The following KY variants were observed in gnomAD, a reference collection of about 807,000 sequenced individuals.
KY encodes kyphoscoliosis peptidase.
In KY, 43 loss-of-function variants were observed where a neutral mutation model predicts 76.1. That is an observed-to-expected ratio of 0.57 (90% CI 0.44 to 0.73). The LOEUF (loss-of-function observed/expected upper bound fraction) is 0.73, where lower values mean the gene tolerates loss of function less well. Among genes scored for constraint, KY ranks in the 30% least tolerant of loss-of-function variants. KY has a pLI of 0.00. For synonymous variants in KY, 277 were observed against 326.2 expected, an observed-to-expected ratio of 0.85 and a Z score of 1.63; for missense variants, 722 against 828.9, an observed-to-expected ratio of 0.87 and a Z score of 1.58.
Position 134,636,414 on chromosome 3 carries a change from TG to T in KY, c.263-6720del, listed in dbSNP as rs1964976751. On this transcript the variant is annotated intron_variant, in intron 3 of 10. Transcript: ENST00000423778. Reference sequence around the variant, plus strand: ...GCCAATTAGCACATGCCAGAAGTGATGTTGCACAAATTCTGAGCCTAGGCTT... The same window carrying T: ...GCCAATTAGCACATGCCAGAAGTGATTTGCACAAATTCTGAGCCTAGGCTT... Among the ~76,000 whole-genome samples the T allele has an allele frequency of 2.6e-5, 4 of 152,334 alleles. No individual in the cohort carries two copies. In the South Asian group the frequency reaches 8.3e-4, roughly 32 times the overall value.
chr3:134,608,940 A>G, intron 9 of KY, 101 bp from the exon 10 acceptor site: 1 of 1,357,372 alleles, frequency 7.4e-7, no homozygotes, highest in South Asian at 1.5e-5. Context: ...GGATGGGAAG[A>G]GGCACCATCT....
chr3:134,620,787 C>G lies in KY; in HGVS notation c.554G>C (p.Arg185Thr). The G allele has an allele frequency of 6.2e-7, 1 of 1,613,730 alleles. No homozygotes were observed. The highest frequency in any genetic ancestry group is 8.5e-7 in the Non-Finnish European group (1 of 1,179,768). The change falls in exon 7 of 11, where the codon AGG becomes ACG. Residue 185 changes from arginine to threonine, a missense_variant. Arg to Thr is a moderately conservative substitution (Grantham distance 71). Coordinates refer to ENST00000423778, the MANE Select transcript of KY (RefSeq NM_178554.6). ...GATCCAGATCCAGATGGCGCGGACCCTTTCCAGGTCAGTGTGGGCCTCCTG... is the reference window on the plus strand; with the variant it reads ...GATCCAGATCCAGATGGCGCGGACCGTTTCCAGGTCAGTGTGGGCCTCCTG... The part of the protein sequence containing the change: ...LLQEAHTDLE[R>T]VRAIWIWICH...
chr3:134,608,380 C>T, intron 10 of KY: 2 of 1,408,800 alleles, frequency 1.4e-6, no homozygotes, highest in African/African-American at 1.4e-5. Context: ...AACCTGCAGC[C>T]TTCAGACACA....
At chr3:134,612,321 A>G (rs566737904) in intron 8 of KY, among the ~76,000 whole-genome samples, 1 of 152,286 alleles carries the variant, frequency 6.6e-6, no homozygotes, top group African/African-American at 2.4e-5. Flanking sequence ...CAAAGGCCAT[A>G]AGCCACTCCA....
At chr3:134,606,130 T>C (rs1459823770) in intron 10 of KY, among the ~76,000 whole-genome samples, 1 of 152,132 alleles carries the variant, frequency 6.6e-6, no homozygotes, top group Non-Finnish European at 1.5e-5. Context: ...CCTCAGCTCC[T>C]CACTGCTCAC....
intron 1 of KY, among the ~76,000 whole-genome samples, chr3:134,649,280 C>A (rs928038182): frequency 6.6e-6 from 1 of 152,126 alleles, no homozygotes; most frequent in African/African-American, 2.4e-5. Context: ...GGAGCCATGG[C>A]GAGTTTGTGC....
At chr3:134,627,887 A>C in intron 4 of KY, 69 bp from the exon 5 acceptor site, 1 of 1,243,090 alleles carries the variant, frequency 8.0e-7, no homozygotes, top group Non-Finnish European at 1.2e-6. Flanking sequence ...CTGATGACTC[A>C]CCTTCTGGTG....
chr3:134,645,358 C>T (rs1001729009), intron 2 of KY, among the ~76,000 whole-genome samples: 1 of 152,212 alleles, frequency 6.6e-6, no homozygotes, highest in African/African-American at 2.4e-5. Flanking sequence ...ATGTGCCCTT[C>T]TGGATCCACC....
chr3:134,604,551 T>G (rs1959116187), intron 10 of KY, 77 bp from the exon 11 acceptor site: 1 of 1,298,692 alleles, frequency 7.7e-7, no homozygotes, highest in East Asian at 2.3e-5. Context: ...AACAACTGTC[T>G]CCCTGGGAGA....
Position 134,629,691 on chromosome 3 carries a change from T to C in KY, c.267A>G (p.Thr89=). ...QVITSYNSQG[T]QLTVEVHPRD... is the part of the protein sequence containing the mutation. Reference sequence around the variant, plus strand: ...GAGGGTGGACTTCCACAGTCAGTTGTGTCCCTACAAAGGAAAAGGAGATGA... The same window carrying C: ...GAGGGTGGACTTCCACAGTCAGTTGCGTCCCTACAAAGGAAAAGGAGATGA... The change falls in exon 4 of 11, where the codon ACA becomes ACG. Residue 89 remains threonine, a synonymous_variant. Transcript: ENST00000423778. 6.3e-7 allele frequency: 1 copy of C among 1,587,932 alleles called. No homozygotes were observed. The highest frequency in any genetic ancestry group is 1.3e-5 in the African/African-American group (1 of 74,642).
At chr3:134,643,623 G>T (rs1017475468) in intron 2 of KY, among the ~76,000 whole-genome samples, 1 of 152,330 alleles carries the variant, frequency 6.6e-6, no homozygotes, top group Admixed American at 6.5e-5. Context: ...GCCAGCACAG[G>T]CTGGGTTTCT....
intron 10 of KY, 84 bp from the exon 11 acceptor site, chr3:134,604,558 G>T: frequency 8.3e-7 from 1 of 1,204,662 alleles, no homozygotes; most frequent in Non-Finnish European, 1.2e-6. Flanking sequence ...GTCTCCCTGG[G>T]AGAAAAACGT....
chr3:134,608,600 A>C, intron 10 of KY, 49 bp downstream of exon 10: 1 of 1,613,758 alleles, frequency 6.2e-7, no homozygotes, highest in Non-Finnish European at 8.5e-7. Context: ...GGACAGTGCG[A>C]AATGCTCCAT....
At chr3:134,623,731 C>A (rs141240324) in intron 6 of KY, among the ~76,000 whole-genome samples, 83 of 152,268 alleles carry the variant, frequency 5.5e-4, no homozygotes, top group African/African-American at 1.9e-3. Context: ...AGGTAAGGTG[C>A]ACTTTGATGC....
intron 10 of KY, chr3:134,608,243 G>GTGTA: frequency 3.4e-6 from 4 of 1,193,162 alleles, no homozygotes; most frequent in Non-Finnish European, 4.2e-6. Context: ...CAGAGGCTAT[G>GTGTA]TGTAGCCAGG....
chr3:134,632,079 T>C (rs1290972798), intron 3 of KY, among the ~76,000 whole-genome samples: 1 of 151,974 alleles, frequency 6.6e-6, no homozygotes, highest in Admixed American at 6.6e-5. Context: ...CAACCTTCAA[T>C]AGGCATACGT....
chr3:134,606,843 C>T (rs976313138), intron 10 of KY, among the ~76,000 whole-genome samples: 3 of 151,744 alleles, frequency 2.0e-5, no homozygotes, highest in South Asian at 2.1e-4. Context: ...CTCCCCTCCA[C>T]GGCACTCTCC....
rs1471122511 is a variant in KY at position 134,620,736 on chromosome 3, C to G, written c.592+13G>C. On this transcript the variant is annotated intron_variant, in intron 7 of 10. Transcript: ENST00000423778. ...AGGGATTCTAGAGCCAGAAATTCCA[C>G]AGGGGGGCCTACCTATGTGATGGCA... The G allele has an allele frequency of 1.9e-6, 3 of 1,601,840 alleles. No individual in the cohort carries two copies. In the South Asian group the frequency reaches 3.3e-5, roughly 18 times the overall value.
chr3:134,648,146 G>T (rs191710790), intron 1 of KY, among the ~76,000 whole-genome samples: 1 of 152,326 alleles, frequency 6.6e-6, no homozygotes, highest in Non-Finnish European at 1.5e-5. Flanking sequence ...TTCTGGCAGC[G>T]GGAGCTGCTG....
Sources: allele counts gnomAD v4.1 joint callset (sites outside exome capture counted in the v4.1 genomes callset), GRCh38; gene constraint gnomAD v4.1.1; transcripts MANE v1.5; gene names NCBI Gene and HGNC (gene_info 2026-07-23, HGNC 2026-07-21).